Variants in HMMR observed in about 807,000 individuals in gnomAD.
HMMR encodes the protein hyaluronan mediated motility receptor.
Under a neutral mutation model 101.0 loss-of-function variants are expected in HMMR, and 108 were observed. That is an observed-to-expected ratio of 1.07 (90% CI 0.92 to 1.25). The LOEUF (loss-of-function observed/expected upper bound fraction) is 1.25, where lower values mean the gene tolerates loss of function less well. Among genes scored for constraint, HMMR ranks in the 50% most tolerant of loss-of-function variants. The pLI, the probability that HMMR is intolerant of heterozygous loss-of-function variation, is 0.00. For missense variants in HMMR, 813 were observed against 788.7 expected (o/e 1.03, Z -0.37); for synonymous variants, 296 against 276.4 (o/e 1.07, Z -0.70).
chr5:163,476,983 A>C (rs1188808588), intron 11 of HMMR, among the ~76,000 whole-genome samples: 1 of 152,124 alleles, frequency 6.6e-6, no homozygotes, highest in Non-Finnish European at 1.5e-5. Flanking sequence ...GTGAGCTGAC[A>C]TCGCACCACT....
Position 163,478,744 on chromosome 5 carries a change from G to A in HMMR, c.1329G>A (p.Gln443=). The A allele has an allele frequency of 6.2e-7, 1 of 1,613,576 alleles. No individual in the cohort carries two copies. Among genetic ancestry groups the A allele is most frequent in the South Asian group, 1.1e-5 (1 of 91,076 alleles). ...AAHTQATLLL[Q]EKYDSMVQSL... ...ATACCCAGGCCACCCTGCTTTTGCA[G>A]GAAAAGTATGACAGTATGGTGCAAA... is the stretch of plus-strand genomic sequence containing the variant. The change falls in exon 12 of 18, where the codon CAG becomes CAA. Residue 443 remains glutamine, a synonymous_variant. Transcript: ENST00000393915.
chr5:163,462,731 G>A (rs968855323), intron 1 of HMMR, among the ~76,000 whole-genome samples: 2 of 150,528 alleles, frequency 1.3e-5, no homozygotes, highest in Non-Finnish European at 2.9e-5. Flanking sequence ...GGGAGGCTGA[G>A]GCAGGAGAAT....
chr5:163,481,199 A>G (rs557102005), intron 12 of HMMR, among the ~76,000 whole-genome samples: 1 of 152,062 alleles, frequency 6.6e-6, no homozygotes, highest in East Asian at 1.9e-4. Flanking sequence ...CTGTTCCCAC[A>G]TGTGATACAT....
chr5:163,484,351 G>A, intron 16 of HMMR, 106 bp downstream of exon 16: 3 of 601,408 alleles, frequency 5.0e-6, no homozygotes, highest in Non-Finnish European at 8.4e-6. Flanking sequence ...AAAAATAACT[G>A]TTTATAGAGG....
In HMMR at chr5:163,469,770, G is replaced by T; in HGVS notation, c.403G>T (p.Ala135Ser). 1.2e-6 allele frequency: 2 copies of T among 1,612,482 alleles called. No individual in the cohort carries two copies. Among genetic ancestry groups the T allele is most frequent in the Non-Finnish European group, 1.7e-6 (2 of 1,178,584 alleles). Residue 135 changes from alanine (A) to serine (S), a missense_variant, in exon 5 of 18, where the codon GCT becomes TCT. Coordinates refer to ENST00000393915, the MANE Select transcript of HMMR (RefSeq NM_001142556.2). ...REKTSLSANN[A>S]TLEKQLIELT... is the part of the protein sequence containing the mutation. The stretch of plus-strand genomic sequence containing the variant: ...AAAAACATCTCTCTCTGCAAATAAT[G>T]CTACACTGGAAAAACAACTTATTGA...
intron 10 of HMMR, 43 bp downstream of exon 10, chr5:163,474,248 A>G (rs763883043): frequency 2.0e-6 from 3 of 1,484,420 alleles, no homozygotes; most frequent in Admixed American, 1.9e-5. Context: ...ATTTTGTGTC[A>G]TACATTTCCC....
At chr5:163,476,383 A>T (rs1473374217) in intron 11 of HMMR, among the ~76,000 whole-genome samples, 4 of 152,212 alleles carry the variant, frequency 2.6e-5, no homozygotes, top group Non-Finnish European at 4.4e-5. Flanking sequence ...ATTAATAAAT[A>T]GCATTCCCAT....
At chr5:163,488,690 G>T (rs1759570398) in intron 16 of HMMR, among the ~76,000 whole-genome samples, 1 of 152,210 alleles carries the variant, frequency 6.6e-6, no homozygotes, top group Non-Finnish European at 1.5e-5. Flanking sequence ...TGAACATAGT[G>T]ACTGTAAACT....
intron 12 of HMMR, among the ~76,000 whole-genome samples, chr5:163,480,080 C>T (rs77662703): frequency 0.012 from 1,899 of 152,218 alleles, 12 homozygotes; most frequent in Non-Finnish European, 0.019. Flanking sequence ...ATAAAACTGA[C>T]ATGCATGAAC....
intron 3 of HMMR, among the ~76,000 whole-genome samples, chr5:163,465,651 A>G (rs576443884): frequency 6.6e-6 from 1 of 151,722 alleles, no homozygotes; most frequent in Non-Finnish European, 1.5e-5. Flanking sequence ...CCCAGCCGCC[A>G]TATAATACTT....
intron 16 of HMMR, among the ~76,000 whole-genome samples, chr5:163,486,102 A>G (rs193185368): frequency 8.1e-4 from 124 of 152,276 alleles, no homozygotes; most frequent in Middle Eastern, 6.8e-3. Flanking sequence ...GTATTTTTCA[A>G]TATGGTTTTG....
At chr5:163,460,815 G>A in intron 1 of HMMR, 77 bp downstream of exon 1, 2 of 1,336,508 alleles carry the variant, frequency 1.5e-6, no homozygotes, top group Non-Finnish European at 2.1e-6. Flanking sequence ...TTCTTGGGAG[G>A]CAAGCAGGAG....
At chr5:163,467,106 A>T (rs1758729968) in intron 3 of HMMR, among the ~76,000 whole-genome samples, 1 of 152,208 alleles carries the variant, frequency 6.6e-6, no homozygotes, top group East Asian at 1.9e-4. Flanking sequence ...AACATCTGAA[A>T]CAGATTTCAT....
chr5:163,482,508 C>G (rs1360348304), intron 12 of HMMR, 134 bp from the exon 13 acceptor site: 1 of 626,106 alleles, frequency 1.6e-6, no homozygotes, highest in African/African-American at 1.9e-5. Context: ...TGAATTCTTA[C>G]CTGTGTTAAA....
chr5:163,473,336 G>A lies in HMMR; in HGVS notation c.726-43G>A, dbSNP rs979574809. 14 of 1,539,710 alleles carry A rather than the reference G, an allele frequency of 9.1e-6. No individual in the cohort carries two copies. The Admixed American group carries it at 1.8e-4, about 19-fold the overall frequency. On this transcript the variant is annotated intron_variant, in intron 8 of 17. Coordinates refer to ENST00000393915, the MANE Select transcript of HMMR (RefSeq NM_001142556.2). ...ATCATTTTTCTGTTATTTTCCCTGT[G>A]CCTAAATAGATGTGCTTTTTAAGAT...
Position 163,482,801 on chromosome 5 carries a change from A to G in HMMR, c.1532+13A>G, listed in dbSNP as rs1385468462. Reference sequence around the variant, plus strand: ...AAGAATATGTAAGGTATATAGAGCAAATAATGGCCTTAGAACCATTAAGAC... The same window carrying G: ...AAGAATATGTAAGGTATATAGAGCAGATAATGGCCTTAGAACCATTAAGAC... On this transcript the variant is annotated intron_variant, in intron 13 of 17. Coordinates refer to ENST00000393915, the MANE Select transcript of HMMR (RefSeq NM_001142556.2). 1.9e-6 allele frequency: 3 copies of G among 1,607,568 alleles called. No homozygotes were observed. Among genetic ancestry groups the G allele is most frequent in the African/African-American group, 2.7e-5 (2 of 74,730 alleles).
chr5:163,462,475 G>A (rs1758570771), intron 1 of HMMR, among the ~76,000 whole-genome samples: 1 of 151,876 alleles, frequency 6.6e-6, no homozygotes, highest in Non-Finnish European at 1.5e-5. Flanking sequence ...GCCTAACTTT[G>A]CAGCATATGA....
At position 163,491,213 on chromosome 5, in the gene HMMR, G is replaced by C; in HGVS notation, c.*49G>C. On this transcript the variant is annotated 3_prime_UTR_variant, in exon 18 of 18. Transcript: ENST00000393915. Reference sequence around the variant, plus strand: ...TTATTTCATTCGTCTTGTTGTTATTGATGTTGCTGTTATTATATTTGACAT... The same window carrying C: ...TTATTTCATTCGTCTTGTTGTTATTCATGTTGCTGTTATTATATTTGACAT... 9.7e-7 allele frequency: 1 copy of C among 1,030,994 alleles called. No homozygotes were observed. The highest frequency in any genetic ancestry group is 2.6e-5 in the East Asian group (1 of 37,832). 63.9% of individuals were successfully genotyped at this position (1,030,994 alleles called of 1,614,324 possible).
chr5:163,488,205 A>T (rs1204650577), intron 16 of HMMR, among the ~76,000 whole-genome samples: 1 of 152,064 alleles, frequency 6.6e-6, no homozygotes. Context: ...GTGGGGGTAC[A>T]TATGCAGATT....
Sources: gnomAD v4.1 joint callset for allele counts (sites outside exome capture counted in the v4.1 genomes callset) on GRCh38, gnomAD v4.1.1 for gene constraint, MANE v1.5 for transcripts, NCBI Gene and HGNC (gene_info 2026-07-23, HGNC 2026-07-21) for gene names.